Variants in IKZF2 observed in about 807,000 individuals in gnomAD.
The protein encoded by IKZF2 is IKAROS family zinc finger 2, also known as zinc finger protein Helios.
IKZF2 carries 15 observed loss-of-function variants against 49.2 expected under a neutral mutation model. That is an observed-to-expected ratio of 0.30 (90% confidence interval 0.20 to 0.47). The LOEUF (loss-of-function observed/expected upper bound fraction) is 0.47. IKZF2 is among the 20% of genes least tolerant of loss of function. IKZF2 has a pLI of 1.00. For synonymous variants in IKZF2, 227 were observed against 221.4 expected (o/e 1.03, Z -0.23); for missense variants, 567 against 664.6 (o/e 0.85, Z 1.61).
Position 213,078,001 on chromosome 2 carries a change from G to T in IKZF2, c.140-20902C>A, listed in dbSNP as rs555055107. On this transcript the variant is annotated intron_variant, in intron 4 of 8. Coordinates refer to ENST00000434687, the MANE Select transcript of IKZF2 (RefSeq NM_001387220.1). Reference sequence around the variant, plus strand: ...TTTAATCTATAACACAAGTGGGTTAGAGTAGAAGATTGCATATTCCTTTCC... The same window carrying T: ...TTTAATCTATAACACAAGTGGGTTATAGTAGAAGATTGCATATTCCTTTCC... Among the ~76,000 whole-genome samples the T allele has an allele frequency of 5.3e-5, 8 of 152,230 alleles. No individual in the cohort carries two copies. The South Asian group carries it at 1.7e-3, about 32-fold the overall frequency.
At chr2:213,080,759 G>A (rs2125565272) in intron 4 of IKZF2, among the ~76,000 whole-genome samples, 1 of 152,180 alleles carries the variant, frequency 6.6e-6, no homozygotes, top group Middle Eastern at 3.4e-3. Context: ...GCAAGAAATG[G>A]TTTAATGATA....
At chr2:213,145,651 G>T (rs1390770139) in intron 4 of IKZF2, among the ~76,000 whole-genome samples, 4 of 151,998 alleles carry the variant, frequency 2.6e-5, no homozygotes, top group Admixed American at 2.6e-4. Flanking sequence ...GAGGAAAAAT[G>T]GGTATCTTCT....
At chr2:213,144,490 T>C (rs570151986) in intron 4 of IKZF2, among the ~76,000 whole-genome samples, 3 of 152,042 alleles carry the variant, frequency 2.0e-5, no homozygotes, top group Non-Finnish European at 2.9e-5. Context: ...GAATTGGAAA[T>C]GAGCTAACCA....
upstream of IKZF2, chr2:213,151,736 C>CGGCGGCGGCGGGCGGCT (rs1553606340): frequency 6.8e-6 from 1 of 146,706 alleles, no homozygotes; most frequent in Admixed American, 6.8e-5. Context: ...GCGGCGGCGG[C>CGGCGGCGGCGGGCGGCT]GGCGGCGGGC....
intron 6 of IKZF2, among the ~76,000 whole-genome samples, chr2:213,031,014 C>A (rs34053836): frequency 6.6e-6 from 1 of 151,828 alleles, no homozygotes; most frequent in African/African-American, 2.4e-5. Flanking sequence ...TTAGTAGAGA[C>A]GGGGTTTCAC....
intron 4 of IKZF2, among the ~76,000 whole-genome samples, chr2:213,129,992 A>G (rs950772508): frequency 5.3e-5 from 8 of 152,216 alleles, no homozygotes; most frequent in African/African-American, 1.9e-4. Flanking sequence ...GAGGACCTGT[A>G]CATAAAGATA....
At chr2:213,041,448 G>A (rs149191189) in intron 6 of IKZF2, among the ~76,000 whole-genome samples, 12 of 152,034 alleles carry the variant, frequency 7.9e-5, no homozygotes, top group Non-Finnish European at 1.6e-4. Context: ...GACTACAGGC[G>A]TGTGCTATCA....
At chr2:213,138,412 C>A (rs1378290006) in intron 4 of IKZF2, among the ~76,000 whole-genome samples, 4 of 151,828 alleles carry the variant, frequency 2.6e-5, no homozygotes, top group Admixed American at 6.6e-5. Context: ...ATAACACATC[C>A]CCAAACAGAG....
chr2:213,067,852 C>A (rs749719503), intron 4 of IKZF2, among the ~76,000 whole-genome samples: 1 of 152,002 alleles, frequency 6.6e-6, no homozygotes, highest in Non-Finnish European at 1.5e-5. Context: ...CACCACCATG[C>A]CAGAATATTC....
At chr2:213,125,683 T>C (rs2060236090) in intron 4 of IKZF2, among the ~76,000 whole-genome samples, 1 of 152,128 alleles carries the variant, frequency 6.6e-6, no homozygotes, top group Non-Finnish European at 1.5e-5. Flanking sequence ...TGAACAAGAA[T>C]ATCACTGAAA....
chr2:213,070,592 A>G (rs747384795), intron 4 of IKZF2, among the ~76,000 whole-genome samples: 1 of 152,156 alleles, frequency 6.6e-6, no homozygotes, highest in African/African-American at 2.4e-5. Flanking sequence ...AGAGTACAGT[A>G]TACACACTAG....
At chr2:213,112,813 T>A (rs566910051) in intron 4 of IKZF2, among the ~76,000 whole-genome samples, 36 of 152,310 alleles carry the variant, frequency 2.4e-4, no homozygotes, top group African/African-American at 7.7e-4. Flanking sequence ...TACCTCTTAA[T>A]GGCTTTTAAT....
chr2:213,037,306 T>C (rs1287522237), intron 6 of IKZF2, among the ~76,000 whole-genome samples: 3 of 152,230 alleles, frequency 2.0e-5, no homozygotes, highest in African/African-American at 7.2e-5. Flanking sequence ...TGAAAAGAGC[T>C]GCATAGAATT....
intron 4 of IKZF2, among the ~76,000 whole-genome samples, chr2:213,106,789 A>T (rs1275779055): frequency 6.6e-6 from 1 of 152,182 alleles, no homozygotes; most frequent in Non-Finnish European, 1.5e-5. Context: ...TCATAACTCT[A>T]TTCTTCATAT....
intron 4 of IKZF2, among the ~76,000 whole-genome samples, chr2:213,094,501 G>A: frequency 6.6e-6 from 1 of 152,018 alleles, no homozygotes; most frequent in Non-Finnish European, 1.5e-5. Context: ...ATCTTTCCTG[G>A]AAGAATCTGA....
chr2:213,059,262 T>C (rs919665452), intron 4 of IKZF2, among the ~76,000 whole-genome samples: 1 of 151,752 alleles, frequency 6.6e-6, no homozygotes, highest in Non-Finnish European at 1.5e-5. Context: ...TTAAGGAACT[T>C]AGCCCAGTGT....
At chr2:213,038,902 G>A (rs1011979048) in intron 6 of IKZF2, among the ~76,000 whole-genome samples, 3 of 152,092 alleles carry the variant, frequency 2.0e-5, no homozygotes, top group Non-Finnish European at 4.4e-5. Flanking sequence ...CAAATTAAGA[G>A]ACTATTTCTA....
At chr2:213,009,119 G>A (rs1244980880) in intron 8 of IKZF2, among the ~76,000 whole-genome samples, 1 of 151,952 alleles carries the variant, frequency 6.6e-6, no homozygotes, top group African/African-American at 2.4e-5. Flanking sequence ...ATGTGATAGT[G>A]CTGGTACGTA....
At chr2:213,112,190 G>A (rs1365154225) in intron 4 of IKZF2, among the ~76,000 whole-genome samples, 2 of 151,734 alleles carry the variant, frequency 1.3e-5, no homozygotes, top group Non-Finnish European at 2.9e-5. Flanking sequence ...CTCAGCAGAA[G>A]TATTTTATCC....
Sources: gnomAD v4.1 joint callset for allele counts (sites outside exome capture counted in the v4.1 genomes callset) on GRCh38, gnomAD v4.1.1 for gene constraint, MANE v1.5 for transcripts, NCBI Gene and HGNC (gene_info 2026-07-23, HGNC 2026-07-21) for gene names.